KCNAB1: variants seen among roughly 807,000 people sequenced by gnomAD.
KCNAB1 encodes the protein voltage-gated potassium channel subunit beta-1.
Under a neutral mutation model 64.6 loss-of-function variants are expected in KCNAB1, and 35 were observed. The observed-to-expected ratio is 0.54, with a 90% confidence interval of 0.41 to 0.72. The LOEUF (loss-of-function observed/expected upper bound fraction) is 0.72. KCNAB1 is among the 30% of genes least tolerant of loss of function. The pLI is 0.00. For synonymous variants in KCNAB1, 177 were observed against 183.8 expected, an observed-to-expected ratio of 0.96 and a Z score of 0.30; for missense variants, 401 against 512.9, an observed-to-expected ratio of 0.78 and a Z score of 2.11.
At chr3:156,125,264 T>C (rs74890059) in intron 1 of KCNAB1, among the ~76,000 whole-genome samples, 5,758 of 152,210 alleles carry the variant, frequency 0.038, 151 homozygotes, top group Non-Finnish European at 0.055. Context: ...ACACGGTGTA[T>C]TTAAGGCCTA....
intron 1 of KCNAB1, among the ~76,000 whole-genome samples, chr3:156,359,078 C>T (rs949623354): frequency 1.3e-5 from 2 of 152,152 alleles, no homozygotes; most frequent in Non-Finnish European, 2.9e-5. Context: ...GAATGTGCCT[C>T]ACAGCACCAT....
At chr3:156,414,925 T>C (rs1425217753) in intron 1 of KCNAB1, among the ~76,000 whole-genome samples, 2 of 152,230 alleles carry the variant, frequency 1.3e-5, no homozygotes, top group Non-Finnish European at 1.5e-5. Context: ...CTGGTGATCA[T>C]GGAAACAGTT....
chr3:156,213,008 T>G (rs1428938661), intron 1 of KCNAB1, among the ~76,000 whole-genome samples: 7 of 152,046 alleles, frequency 4.6e-5, no homozygotes, highest in African/African-American at 1.7e-4. Flanking sequence ...TGACCACTAT[T>G]TGGAGAATAG....
chr3:156,161,384 A>G (rs751773722), intron 1 of KCNAB1, among the ~76,000 whole-genome samples: 7 of 152,206 alleles, frequency 4.6e-5, no homozygotes, highest in Non-Finnish European at 1.0e-4. Context: ...AATGGTTTTA[A>G]TGACCCCTTT....
chr3:156,476,217 G>A (rs749191579), intron 8 of KCNAB1, among the ~76,000 whole-genome samples: 57 of 151,866 alleles, frequency 3.8e-4, no homozygotes, highest in Non-Finnish European at 6.9e-4. Context: ...GTGCTTTAGC[G>A]GTGATTTGTA....
chr3:156,266,491 A>G (rs747228086), intron 1 of KCNAB1, among the ~76,000 whole-genome samples: 1 of 152,228 alleles, frequency 6.6e-6, no homozygotes, highest in Non-Finnish European at 1.5e-5. Context: ...TGATAGATTG[A>G]GAAATGTCCT....
intron 1 of KCNAB1, among the ~76,000 whole-genome samples, chr3:156,221,893 C>T (rs1164840349): frequency 6.6e-6 from 1 of 151,954 alleles, no homozygotes; most frequent in East Asian, 1.9e-4. Context: ...ACCAAGCCAG[C>T]ACTGTAAGAA....
chr3:156,371,535 A>G (rs1371141511), intron 1 of KCNAB1, among the ~76,000 whole-genome samples: 1 of 152,150 alleles, frequency 6.6e-6, no homozygotes, highest in African/African-American at 2.4e-5. Context: ...ACATGATTCT[A>G]TTTAGAGAAA....
At chr3:156,186,815 T>C (rs969819989) in intron 1 of KCNAB1, among the ~76,000 whole-genome samples, 2 of 151,702 alleles carry the variant, frequency 1.3e-5, no homozygotes, top group African/African-American at 4.8e-5. Flanking sequence ...CTCCTGACTT[T>C]TAGGGCATTG....
At chr3:156,507,062 C>T (rs756919899) in intron 8 of KCNAB1, among the ~76,000 whole-genome samples, 1 of 152,140 alleles carries the variant, frequency 6.6e-6, no homozygotes, top group Non-Finnish European at 1.5e-5. Context: ...CTCCCCAAAC[C>T]ATCTTCTCCA....
intron 1 of KCNAB1, among the ~76,000 whole-genome samples, chr3:156,165,003 C>T (rs1716287383): frequency 6.6e-6 from 1 of 152,130 alleles, no homozygotes; most frequent in Admixed American, 6.5e-5. Flanking sequence ...ATAGGCCGGG[C>T]GCGGTGGCTC....
chr3:156,256,570 G>T (rs1354876517), intron 1 of KCNAB1, among the ~76,000 whole-genome samples: 1 of 152,166 alleles, frequency 6.6e-6, no homozygotes, highest in Non-Finnish European at 1.5e-5. Context: ...CTCAGGCATC[G>T]TCTTCTGTTT....
chr3:156,158,447 A>T (rs931300214), intron 1 of KCNAB1, among the ~76,000 whole-genome samples: 1 of 152,194 alleles, frequency 6.6e-6, no homozygotes. Context: ...CATGTAAACA[A>T]GACACTGAAA....
At chr3:156,315,545 A>C (rs1576714857) in intron 1 of KCNAB1, among the ~76,000 whole-genome samples, 1 of 151,628 alleles carries the variant, frequency 6.6e-6, no homozygotes, top group African/African-American at 2.4e-5. Flanking sequence ...ATATCTACTT[A>C]CCTCCAAGCT....
At chr3:156,292,559 A>T (rs1443548322) in intron 1 of KCNAB1, among the ~76,000 whole-genome samples, 1 of 152,092 alleles carries the variant, frequency 6.6e-6, no homozygotes, top group East Asian at 1.9e-4. Flanking sequence ...TTTGTTTGAG[A>T]CAGAGTCTCG....
intron 1 of KCNAB1, among the ~76,000 whole-genome samples, chr3:156,133,338 G>A (rs1714110517): frequency 6.6e-6 from 1 of 152,136 alleles, no homozygotes; most frequent in South Asian, 2.1e-4. Context: ...TTTCCAGATG[G>A]TCATTTATCC....
chr3:156,386,347 T>A (rs1712592271), intron 1 of KCNAB1, among the ~76,000 whole-genome samples: 1 of 152,106 alleles, frequency 6.6e-6, no homozygotes, highest in African/African-American at 2.4e-5. Context: ...GCACACACAG[T>A]GTGTTTAGGA....
At chr3:156,327,927 G>T (rs2108038559) in intron 1 of KCNAB1, among the ~76,000 whole-genome samples, 1 of 152,154 alleles carries the variant, frequency 6.6e-6, no homozygotes. Flanking sequence ...TGTTTCCCCA[G>T]TTCTGCATAG....
intron 12 of KCNAB1, among the ~76,000 whole-genome samples, chr3:156,527,760 TTATTTCCAGGCACG>T (rs1718424453): frequency 6.6e-6 from 1 of 152,188 alleles, no homozygotes; most frequent in Non-Finnish European, 1.5e-5. Context: ...AAAAGGGAAA[TTATTTCCAGGCACG>T]TTATCTTTGA....
Sources: gnomAD v4.1 joint callset for allele counts (sites outside exome capture counted in the v4.1 genomes callset) on GRCh38, gnomAD v4.1.1 for gene constraint, MANE v1.5 for transcripts, NCBI Gene and HGNC (gene_info 2026-07-23, HGNC 2026-07-21) for gene names.